The following CTNNA3 variants were observed in gnomAD, a reference collection of about 807,000 sequenced individuals.
The protein encoded by CTNNA3 is catenin alpha-3.
Under a neutral mutation model 95.7 loss-of-function variants are expected in CTNNA3, and 76 were observed. That is an observed-to-expected ratio of 0.79 (90% CI 0.66 to 0.96). The LOEUF (loss-of-function observed/expected upper bound fraction) is 0.96, where lower values mean the gene tolerates loss of function less well. Ranked by LOEUF, CTNNA3 falls within the 40% of genes least tolerant of loss-of-function variation. The pLI is 0.00. For synonymous variants in CTNNA3, 431 were observed against 374.4 expected (o/e 1.15, Z -1.74); for missense variants, 1,191 against 1,089.8 (o/e 1.09, Z -1.31).
chr10:66,530,108 G>A (rs2132046690), intron 10 of CTNNA3, among the ~76,000 whole-genome samples: 1 of 152,178 alleles, frequency 6.6e-6, no homozygotes, highest in Admixed American at 6.5e-5. Flanking sequence ...CCCAGAGATA[G>A]TTCAATATTG....
chr10:66,862,867 G>A (rs1375090355), intron 7 of CTNNA3, among the ~76,000 whole-genome samples: 1 of 152,128 alleles, frequency 6.6e-6, no homozygotes, highest in African/African-American at 2.4e-5. Flanking sequence ...AGGTGGGTGG[G>A]CCATATCCAA....
Position 67,159,750 on chromosome 10 carries a change from AC to A in CTNNA3, c.1047+20566del, listed in dbSNP as rs557184092. 1.6e-3 allele frequency among the ~76,000 whole-genome samples: 241 copies of A among 152,292 alleles called. 2 individuals are homozygous for A. The highest frequency in any genetic ancestry group is 2.6e-3 in the Admixed American group (40 of 15,302). On this transcript the variant is annotated intron_variant, in intron 7 of 17. Coordinates refer to ENST00000433211, the MANE Select transcript of CTNNA3 (RefSeq NM_013266.4). ...AATGGATTAAAGACTTAAACATAAGACCTGAAACTGTAAAATTCTTAGAAAA... is the reference window on the plus strand; with the variant it reads ...AATGGATTAAAGACTTAAACATAAGACTGAAACTGTAAAATTCTTAGAAAA...
At chr10:67,377,319 A>G (rs190725692) in intron 5 of CTNNA3, among the ~76,000 whole-genome samples, 2 of 152,344 alleles carry the variant, frequency 1.3e-5, no homozygotes, top group Non-Finnish European at 2.9e-5. Flanking sequence ...TATTAAGGAA[A>G]GAATGAGAAG....
intron 7 of CTNNA3, among the ~76,000 whole-genome samples, chr10:66,820,135 C>T (rs1842251824): frequency 6.6e-6 from 1 of 150,564 alleles, no homozygotes; most frequent in Non-Finnish European, 1.5e-5. Flanking sequence ...CATATTCATA[C>T]AATATAATAT....
chr10:67,466,476 G>A (rs190331165), intron 5 of CTNNA3, among the ~76,000 whole-genome samples: 3 of 152,170 alleles, frequency 2.0e-5, no homozygotes, highest in Admixed American at 1.3e-4. Flanking sequence ...AAAAGTTTAG[G>A]TGCTACCATT....
chr10:66,061,040 G>C (rs1164639865), intron 15 of CTNNA3, among the ~76,000 whole-genome samples: 1 of 152,090 alleles, frequency 6.6e-6, no homozygotes, highest in East Asian at 1.9e-4. Flanking sequence ...AATACCAGAA[G>C]ATGTATAAAA....
At chr10:66,034,914 A>AAT (rs5785742) in intron 15 of CTNNA3, among the ~76,000 whole-genome samples, 118,472 of 151,964 alleles carry the variant, frequency 0.78, 46,436 homozygotes, top group South Asian at 0.9. Flanking sequence ...TTTACTAAAT[A>AAT]AGTTACTAAT....
chr10:67,524,368 A>C (rs1257016931), intron 4 of CTNNA3, among the ~76,000 whole-genome samples: 2 of 144,462 alleles, frequency 1.4e-5, no homozygotes, highest in African/African-American at 2.6e-5. Flanking sequence ...ACTGCACTCC[A>C]GCCTGGGCGA....
intron 13 of CTNNA3, among the ~76,000 whole-genome samples, chr10:66,236,072 T>C (rs773459637): frequency 6.6e-5 from 10 of 152,148 alleles, no homozygotes; most frequent in South Asian, 4.1e-4. Context: ...TGTAGTCTCA[T>C]TGAGAAGAAG....
intron 7 of CTNNA3, among the ~76,000 whole-genome samples, chr10:67,023,262 C>G (rs1266060567): frequency 6.6e-6 from 1 of 152,126 alleles, no homozygotes; most frequent in East Asian, 1.9e-4. Flanking sequence ...GAATAGGCCA[C>G]AGAAGATAGA....
At chr10:67,295,516 A>G (rs1839998691) in intron 5 of CTNNA3, among the ~76,000 whole-genome samples, 1 of 152,210 alleles carries the variant, frequency 6.6e-6, no homozygotes, top group Non-Finnish European at 1.5e-5. Context: ...TTCTTACTCC[A>G]GGAGTTTTTC....
chr10:66,354,131 A>C (rs1270679369), intron 12 of CTNNA3, among the ~76,000 whole-genome samples: 1 of 151,888 alleles, frequency 6.6e-6, no homozygotes, highest in African/African-American at 2.4e-5. Context: ...AAAGACACAA[A>C]CAATTAGCTG....
intron 5 of CTNNA3, among the ~76,000 whole-genome samples, chr10:67,434,660 C>T (rs184682071): frequency 1.3e-5 from 2 of 152,022 alleles, no homozygotes; most frequent in African/African-American, 4.8e-5. Context: ...AAAATATGTA[C>T]TGCCAGCAGC....
chr10:65,948,375 G>T (rs574719935), intron 17 of CTNNA3, among the ~76,000 whole-genome samples: 1 of 151,724 alleles, frequency 6.6e-6, no homozygotes, highest in Admixed American at 6.6e-5. Flanking sequence ...TCTACACAAT[G>T]TATGAATATA....
intron 9 of CTNNA3, among the ~76,000 whole-genome samples, chr10:66,738,827 T>G (rs1257715852): frequency 2.0e-5 from 3 of 152,214 alleles, no homozygotes; most frequent in African/African-American, 7.2e-5. Flanking sequence ...CTGGATAATT[T>G]TAAGCAGCCT....
At chr10:66,016,262 C>A (rs116369818) in intron 15 of CTNNA3, among the ~76,000 whole-genome samples, 1,912 of 152,228 alleles carry the variant, frequency 0.013, 31 homozygotes, top group African/African-American at 0.044. Flanking sequence ...TGTTTTGTAC[C>A]ATTCAGAAAG....
intron 5 of CTNNA3, 110 bp from the exon 6 acceptor site, chr10:67,219,980 A>G: frequency 1.2e-6 from 1 of 840,702 alleles, no homozygotes; most frequent in South Asian, 2.0e-5. Context: ...ATAGACATGA[A>G]GAAGTCAGCT....
intron 11 of CTNNA3, among the ~76,000 whole-genome samples, chr10:66,395,144 C>G (rs1172924760): frequency 6.6e-6 from 1 of 152,024 alleles, no homozygotes; most frequent in Non-Finnish European, 1.5e-5. Context: ...AGATATACGT[C>G]TTAGGGAAGT....
chr10:66,963,120 G>A (rs960277699), intron 7 of CTNNA3, among the ~76,000 whole-genome samples: 1 of 152,152 alleles, frequency 6.6e-6, no homozygotes, highest in African/African-American at 2.4e-5. Flanking sequence ...TTTTAAATGT[G>A]ATGCTTGAAA....
Sources: gnomAD v4.1 joint callset for allele counts (sites outside exome capture counted in the v4.1 genomes callset) on GRCh38, gnomAD v4.1.1 for gene constraint, MANE v1.5 for transcripts, NCBI Gene and HGNC (gene_info 2026-07-23, HGNC 2026-07-21) for gene names.